Variants in MMD2 observed in about 807,000 individuals in gnomAD.
MMD2 encodes the protein monocyte to macrophage differentiation associated 2.
In MMD2, 30 loss-of-function variants were observed where a neutral mutation model predicts 33.5. The observed-to-expected ratio is 0.90, with a 90% CI of 0.67 to 1.22. MMD2 has a LOEUF of 1.22. MMD2 is among the 50% of genes most tolerant of loss of function. MMD2 has a pLI of 0.00. For synonymous variants in MMD2, 129 were observed against 123.0 expected (o/e 1.05, Z -0.32); for missense variants, 364 against 325.4 (o/e 1.12, Z -0.91).
chr7:4,948,180 C>T (rs1212823619), intron 1 of MMD2, among the ~76,000 whole-genome samples: 4 of 152,092 alleles, frequency 2.6e-5, no homozygotes. Context: ...AGATCCAAAC[C>T]ATATCAAACT....
rs538199299 is a variant in MMD2 at position 4,921,070 on chromosome 7, T to C, written c.130-739A>G. On this transcript the variant is annotated intron_variant, in intron 2 of 6. Coordinates refer to ENST00000401401, the MANE Select transcript of MMD2 (RefSeq NM_198403.4). ...GGCCAGTGGCTGCCAACCTGGACAG[T>C]GCAGGTCTAGATCTTTGATTCAATT... Among the ~76,000 whole-genome samples the C allele has an allele frequency of 3.9e-5, 6 of 152,248 alleles. No homozygotes were observed. The East Asian group carries it at 1.2e-3, about 29-fold the overall frequency.
intron 1 of MMD2, among the ~76,000 whole-genome samples, chr7:4,949,562 A>G (rs1786182769): frequency 6.6e-6 from 1 of 151,484 alleles, no homozygotes; most frequent in African/African-American, 2.4e-5. Flanking sequence ...GCCACGCTGG[A>G]GTGCAATGGT....
chr7:4,913,812 C>T (rs1785074365), intron 4 of MMD2, among the ~76,000 whole-genome samples: 1 of 151,146 alleles, frequency 6.6e-6, no homozygotes, highest in African/African-American at 2.4e-5. Context: ...CAGGTGCCTG[C>T]CACCACGCCC....
chr7:4,957,843 C>T (rs930774512), intron 1 of MMD2, among the ~76,000 whole-genome samples: 5 of 152,144 alleles, frequency 3.3e-5, no homozygotes, highest in African/African-American at 1.2e-4. Context: ...AGGGTTCCGT[C>T]CTGTCCGCCA....
At chr7:4,943,027 T>G (rs63522363) in intron 1 of MMD2, among the ~76,000 whole-genome samples, 18 of 98,214 alleles carry the variant, frequency 1.8e-4, no homozygotes, top group African/African-American at 4.7e-4. Flanking sequence ...TTTTTTTTTT[T>G]GAGACAGAGT....
the MMD2 span, among the ~76,000 whole-genome samples, chr7:4,892,575 A>C: frequency 7.3e-6 from 1 of 137,342 alleles, no homozygotes; most frequent in African/African-American, 2.9e-5. Context: ...GTGACAAAGC[A>C]AGACTCTGCT....
At chr7:4,941,148 G>C (rs1242700663) in intron 1 of MMD2, among the ~76,000 whole-genome samples, 2 of 152,152 alleles carry the variant, frequency 1.3e-5, no homozygotes, top group African/African-American at 4.8e-5. Context: ...GTCGGCCTCT[G>C]TGAACATGCC....
intron 1 of MMD2, among the ~76,000 whole-genome samples, chr7:4,933,129 G>A (rs190678744): frequency 1.1e-4 from 16 of 152,096 alleles, no homozygotes; most frequent in Admixed American, 5.2e-4. Context: ...TAATCCCAGC[G>A]CTTTGGGAGG....
chr7:4,912,387 TCTCTA>T (rs897159411), intron 4 of MMD2, among the ~76,000 whole-genome samples: 4 of 151,562 alleles, frequency 2.6e-5, no homozygotes, highest in African/African-American at 9.7e-5. Flanking sequence ...TGAAACCCCG[TCTCTA>T]CTAAAAATAC....
At chr7:4,903,952 G>A (rs981724874), downstream of MMD2, among the ~76,000 whole-genome samples, 2 of 151,770 alleles carry the variant, frequency 1.3e-5, no homozygotes, top group Non-Finnish European at 2.9e-5. Flanking sequence ...TTTTTTTTGA[G>A]ACGGAGTTTC....
chr7:4,948,103 A>G (rs1786141585), intron 1 of MMD2, among the ~76,000 whole-genome samples: 1 of 152,180 alleles, frequency 6.6e-6, no homozygotes, highest in Non-Finnish European at 1.5e-5. Flanking sequence ...TGATCCAATC[A>G]GCTCCCACCA....
chr7:4,927,600 G>A (rs567863619), intron 1 of MMD2, among the ~76,000 whole-genome samples: 1 of 151,992 alleles, frequency 6.6e-6, no homozygotes, highest in Non-Finnish European at 1.5e-5. Flanking sequence ...GCAGCTACTT[G>A]GGAGGCTGAG....
chr7:4,925,405 G>C (rs747397074), intron 2 of MMD2, 46 bp downstream of exon 2: 309 of 960,720 alleles, frequency 3.2e-4, no homozygotes, highest in Non-Finnish European at 4.1e-4. Flanking sequence ...CCCCTTCCCC[G>C]GAAGTGTCCC....
intron 4 of MMD2, among the ~76,000 whole-genome samples, chr7:4,912,882 G>T (rs560959940): frequency 6.6e-6 from 1 of 151,824 alleles, no homozygotes; most frequent in Non-Finnish European, 1.5e-5. Context: ...TTTTGTATTT[G>T]TAGTAGAGAT....
In MMD2 at chr7:4,947,115, G is replaced by A. The variant is rs188653242; in HGVS notation, c.47+11856C>T. 1.6e-3 allele frequency among the ~76,000 whole-genome samples: 241 copies of A among 152,204 alleles called. 1 individual carries two copies. Among genetic ancestry groups the A allele is most frequent in the African/African-American group, 5.4e-3 (225 of 41,540 alleles). Reference sequence around the variant, plus strand: ...CTCAGCTACTCCAGAGGCTGAGGCAGGAGAATCGCTTGAACTCGGGAGGTG... The same window carrying A: ...CTCAGCTACTCCAGAGGCTGAGGCAAGAGAATCGCTTGAACTCGGGAGGTG... On this transcript the variant is annotated intron_variant, in intron 1 of 6. Coordinates refer to ENST00000401401, the MANE Select transcript of MMD2 (RefSeq NM_198403.4).
chr7:4,953,279 G>A (rs558055151), intron 1 of MMD2, among the ~76,000 whole-genome samples: 11 of 151,712 alleles, frequency 7.3e-5, no homozygotes, highest in East Asian at 3.9e-4. Context: ...GGTCAGCACC[G>A]CCTGGCTACT....
At chr7:4,932,505 C>G (rs2115124822) in intron 1 of MMD2, among the ~76,000 whole-genome samples, 2 of 152,268 alleles carry the variant, frequency 1.3e-5, no homozygotes. Context: ...CCGCCACCAT[C>G]AAGGTGAATA....
At chr7:4,933,141 C>A (rs1193564067) in intron 1 of MMD2, among the ~76,000 whole-genome samples, 1 of 152,012 alleles carries the variant, frequency 6.6e-6, no homozygotes, top group African/African-American at 2.4e-5. Flanking sequence ...TTTGGGAGGC[C>A]GAGGCGAGAG....
chr7:4,912,287 G>A (rs957527834), intron 4 of MMD2, among the ~76,000 whole-genome samples: 3 of 151,938 alleles, frequency 2.0e-5, no homozygotes, highest in Non-Finnish European at 2.9e-5. Flanking sequence ...GGCCGGGCGC[G>A]GTGGCTCACG....
Sources: allele counts gnomAD v4.1 joint callset (sites outside exome capture counted in the v4.1 genomes callset), GRCh38; gene constraint gnomAD v4.1.1; transcripts MANE v1.5; gene names NCBI Gene and HGNC (gene_info 2026-07-23, HGNC 2026-07-21).